Variants in ATF2 observed in about 807,000 individuals in gnomAD.
ATF2 encodes the protein activating transcription factor 2, also known as cyclic AMP-dependent transcription factor ATF-2.
Under a neutral mutation model 60.6 loss-of-function variants are expected in ATF2, and 24 were observed. That is an observed-to-expected ratio of 0.40 (90% CI 0.29 to 0.56). The LOEUF is 0.56. Ranked by LOEUF, ATF2 falls within the 20% of genes least tolerant of loss-of-function variation. The probability of loss-of-function intolerance (pLI) is 0.54; values close to 1 mark genes in which losing one functional copy is unlikely to be tolerated. For synonymous variants in ATF2, 206 were observed against 215.4 expected (o/e 0.96, Z 0.38); for missense variants, 433 against 607.7 (o/e 0.71, Z 3.02).
At chr2:175,131,266 T>C (rs1373996210) in intron 3 of ATF2, among the ~76,000 whole-genome samples, 1 of 152,254 alleles carries the variant, frequency 6.6e-6, no homozygotes, top group Non-Finnish European at 1.5e-5. Context: ...TCTAGACTTC[T>C]GGTTTCTAGT....
intron 1 of ATF2, among the ~76,000 whole-genome samples, chr2:175,154,400 T>C (rs1479302137): frequency 6.6e-6 from 1 of 151,894 alleles, no homozygotes; most frequent in East Asian, 1.9e-4. Context: ...CATGGAGCCG[T>C]GATCACCTAT....
Position 175,118,362 on chromosome 2 carries a change from G to C in ATF2, c.207C>G (p.Thr69=). ...TTTTCAAGAATCTTGTTGGTGTTGG[G>C]GTCTGATCTGAAATAAATGTCAAGA... ...RNDSVIVADQ[T]PTPTRFLKNC... is the part of the protein sequence containing the mutation. The change falls in exon 6 of 14, where the codon ACC becomes ACG. Residue 69 remains threonine, a synonymous_variant. Coordinates refer to ENST00000264110, the MANE Select transcript of ATF2 (RefSeq NM_001880.4). 1.2e-6 allele frequency: 2 copies of C among 1,607,236 alleles called. No individual in the cohort carries two copies. Among genetic ancestry groups the C allele is most frequent in the Non-Finnish European group, 1.7e-6 (2 of 1,176,782 alleles).
intron 10 of ATF2, among the ~76,000 whole-genome samples, chr2:175,104,420 C>G (rs1230138877): frequency 6.6e-6 from 1 of 151,754 alleles, no homozygotes; most frequent in Non-Finnish European, 1.5e-5. Flanking sequence ...TAAAATCCAA[C>G]AAAAGCAGTA....
At chr2:175,131,485 C>T (rs926023751) in intron 3 of ATF2, among the ~76,000 whole-genome samples, 3 of 152,082 alleles carry the variant, frequency 2.0e-5, no homozygotes, top group Admixed American at 6.5e-5. Context: ...TAGGCAGAGA[C>T]AAAAAGCAGA....
At chr2:175,143,285 T>C (rs1433219773) in intron 2 of ATF2, among the ~76,000 whole-genome samples, 1 of 151,996 alleles carries the variant, frequency 6.6e-6, no homozygotes, top group Non-Finnish European at 1.5e-5. Flanking sequence ...TCTATGACAA[T>C]GAAAAAAAGA....
At chr2:175,160,977 G>A (rs765954950) in intron 1 of ATF2, among the ~76,000 whole-genome samples, 20 of 152,102 alleles carry the variant, frequency 1.3e-4, no homozygotes, top group Non-Finnish European at 2.2e-4. Context: ...GGTGGAAGCC[G>A]CAGTGAGACT....
In ATF2 at chr2:175,091,844, T is replaced by C. The variant is rs192895092; in HGVS notation, c.1185+1217A>G. On this transcript the variant is annotated intron_variant, in intron 12 of 13. Coordinates refer to ENST00000264110, the MANE Select transcript of ATF2 (RefSeq NM_001880.4). ...CACCACTGTACTTCAGCCCAGGTGA[T>C]AGAGTGAGACTCCGTCTCAAAAACA... 3.3e-5 allele frequency among the ~76,000 whole-genome samples: 5 copies of C among 152,296 alleles called. No individual in the cohort carries two copies. The East Asian group carries it at 7.7e-4, about 24-fold the overall frequency.
chr2:175,083,765 G>A (rs547926139), intron 12 of ATF2, among the ~76,000 whole-genome samples: 6 of 152,002 alleles, frequency 3.9e-5, no homozygotes, highest in African/African-American at 1.2e-4. Context: ...GGCTAATATC[G>A]AGAATCTACA....
At chr2:175,130,299 A>G in intron 3 of ATF2, 92 bp from the exon 4 acceptor site, 1 of 791,120 alleles carries the variant, frequency 1.3e-6, no homozygotes, top group Admixed American at 3.1e-5. Flanking sequence ...TAAGCTTATT[A>G]ACTTTTCTAT....
chr2:175,142,718 AGAGTGT>A (rs1238414681), intron 2 of ATF2, among the ~76,000 whole-genome samples: 432 of 113,384 alleles, frequency 3.8e-3, no homozygotes, highest in Non-Finnish European at 5.2e-3. Flanking sequence ...AGAGAGAGAG[AGAGTGT>A]GTGTGTGTGT....
At chr2:175,085,085 G>T (rs1694058649) in intron 12 of ATF2, among the ~76,000 whole-genome samples, 1 of 152,132 alleles carries the variant, frequency 6.6e-6, no homozygotes, top group Non-Finnish European at 1.5e-5. Context: ...ATATTATGTA[G>T]TATCACCTCA....
At chr2:175,159,161 T>C (rs1009473443) in intron 1 of ATF2, among the ~76,000 whole-genome samples, 4 of 151,710 alleles carry the variant, frequency 2.6e-5, no homozygotes, top group Admixed American at 6.6e-5. Context: ...CTACTAAAAA[T>C]ACAAAAAAAT....
chr2:175,097,123 G>A (rs1325568026), intron 11 of ATF2, among the ~76,000 whole-genome samples: 1 of 152,156 alleles, frequency 6.6e-6, no homozygotes, highest in Non-Finnish European at 1.5e-5. Context: ...GAAATAGAGA[G>A]TAAAGGAAAT....
chr2:175,159,137 G>A lies in ATF2; in HGVS notation c.-142-7979C>T, dbSNP rs2105355847. ...GTTCAAGACCAGCCTGGTCATCATG[G>A]AGAAACCCCGTCTCTACTAAAAATA... On this transcript the variant is annotated intron_variant, in intron 1 of 13. Coordinates refer to ENST00000264110, the MANE Select transcript of ATF2 (RefSeq NM_001880.4). 2.0e-5 allele frequency among the ~76,000 whole-genome samples: 3 copies of A among 152,036 alleles called. 1 individual carries two copies. In the South Asian group the frequency reaches 6.2e-4, roughly 32 times the overall value.
At chr2:175,087,918 T>C (rs1694278564) in intron 12 of ATF2, among the ~76,000 whole-genome samples, 1 of 152,222 alleles carries the variant, frequency 6.6e-6, no homozygotes, top group African/African-American at 2.4e-5. Context: ...ACTTGTTTCA[T>C]GTCTGTCTCC....
chr2:175,132,731 G>C (rs1574446312), intron 3 of ATF2: 1 of 151,982 alleles, frequency 6.6e-6, no homozygotes, highest in East Asian at 1.9e-4. Context: ...TTCTCTTCTG[G>C]GTGGTTTTAA....
At chr2:175,112,893 A>C (rs1480352646) in intron 9 of ATF2, among the ~76,000 whole-genome samples, 1 of 152,226 alleles carries the variant, frequency 6.6e-6, no homozygotes, top group Non-Finnish European at 1.5e-5. Flanking sequence ...CCTAAAAATA[A>C]TTTTTAAAAG....
intron 1 of ATF2, among the ~76,000 whole-genome samples, chr2:175,158,674 C>T (rs895521626): frequency 4.6e-5 from 7 of 151,934 alleles, no homozygotes; most frequent in Non-Finnish European, 1.0e-4. Flanking sequence ...CTTAAAGCCT[C>T]CATTAATCAA....
chr2:175,086,921 C>G (rs1694209330), intron 12 of ATF2, among the ~76,000 whole-genome samples: 1 of 152,010 alleles, frequency 6.6e-6, no homozygotes, highest in Non-Finnish European at 1.5e-5. Context: ...GGCTGCTACA[C>G]AAATATAATG....
Sources: allele counts gnomAD v4.1 joint callset (sites outside exome capture counted in the v4.1 genomes callset), GRCh38; gene constraint gnomAD v4.1.1; transcripts MANE v1.5; gene names NCBI Gene and HGNC (gene_info 2026-07-23, HGNC 2026-07-21).